PMEPA1: variants seen among roughly 807,000 people sequenced by gnomAD.
The protein encoded by PMEPA1 is prostate transmembrane protein, androgen induced 1, also known as protein TMEPAI.
Under a neutral mutation model 23.0 loss-of-function variants are expected in PMEPA1, and 11 were observed. That is an observed-to-expected ratio of 0.48 (90% confidence interval 0.30 to 0.79). The LOEUF (loss-of-function observed/expected upper bound fraction) is 0.79, where lower values mean the gene tolerates loss of function less well. Among genes scored for constraint, PMEPA1 ranks in the 30% least tolerant of loss-of-function variants. The pLI, the probability that PMEPA1 is intolerant of heterozygous loss-of-function variation, is 0.06. For missense variants in PMEPA1, 377 were observed against 390.9 expected (o/e 0.96, Z 0.30); for synonymous variants, 204 against 166.4 (o/e 1.23, Z -1.74).
At chr20:57,693,222 T>C (rs966467236) in intron 1 of PMEPA1, among the ~76,000 whole-genome samples, 4 of 152,214 alleles carry the variant, frequency 2.6e-5, no homozygotes, top group Admixed American at 1.3e-4. Flanking sequence ...TAAAAATTCC[T>C]AGACAGGTAG....
At chr20:57,703,668 C>A (rs1475885435) in intron 1 of PMEPA1, among the ~76,000 whole-genome samples, 18 of 152,224 alleles carry the variant, frequency 1.2e-4, no homozygotes, top group Non-Finnish European at 4.4e-5. Context: ...TGTTCAAGGC[C>A]ATGGGCCCCA....
intron 1 of PMEPA1, among the ~76,000 whole-genome samples, chr20:57,667,372 C>A (rs2071508285): frequency 6.6e-6 from 1 of 152,140 alleles, no homozygotes; most frequent in African/African-American, 2.4e-5. Flanking sequence ...GCAAGAAGAA[C>A]CCACCCAGCC....
At chr20:57,660,397 AC>A (rs2071396874) in intron 1 of PMEPA1, among the ~76,000 whole-genome samples, 1 of 151,294 alleles carries the variant, frequency 6.6e-6, no homozygotes, top group Non-Finnish European at 1.5e-5. Flanking sequence ...ACACGTCAAC[AC>A]CAACACACAC....
At position 57,709,907 on chromosome 20, in the gene PMEPA1, C is replaced by T; in HGVS notation, c.-325G>A. 6.9e-6 allele frequency: 7 copies of T among 1,010,010 alleles called. No homozygotes were observed. The highest frequency in any genetic ancestry group is 8.2e-6 in the Non-Finnish European group (7 of 849,128). The allele number at this position is 1,010,010 out of a possible 1,614,324, so 62.6% of individuals were successfully genotyped here. A position where few individuals can be genotyped will look rare whatever the true frequency, so the allele number is the denominator to read the frequency against. ...AGCCTCTGCCGCTAGCTTTCCCCAGCCGAGCGCCTCCGCCGCCGCCGCCGC... is the reference window on the plus strand; with the variant it reads ...AGCCTCTGCCGCTAGCTTTCCCCAGTCGAGCGCCTCCGCCGCCGCCGCCGC... On this transcript the variant is annotated 5_prime_UTR_variant, in exon 1 of 4. Transcript: ENST00000341744.
rs968181412 is a variant in PMEPA1 at position 57,704,807 on chromosome 20, G to A, written c.109+4667C>T. 6.6e-6 allele frequency among the ~76,000 whole-genome samples: 1 copy of A among 152,200 alleles called. No homozygotes were observed. Among genetic ancestry groups the A allele is most frequent in the Non-Finnish European group, 1.5e-5 (1 of 68,036 alleles). Reference sequence around the variant, plus strand: ...GCATGTGGGCACACCTGACCCCGTGGCTCTGGGGCAATTTGGTGGCGGGTG... The same window carrying A: ...GCATGTGGGCACACCTGACCCCGTGACTCTGGGGCAATTTGGTGGCGGGTG... On this transcript the variant is annotated intron_variant, in intron 1 of 3. Coordinates refer to ENST00000341744, the MANE Select transcript of PMEPA1 (RefSeq NM_020182.5). The surrounding 1 kb of genome is among the most constrained non-coding windows in gnomAD (Gnocchi z 4.6).
intron 2 of PMEPA1, among the ~76,000 whole-genome samples, chr20:57,653,748 C>A (rs979990256): frequency 6.6e-6 from 1 of 152,216 alleles, no homozygotes; most frequent in African/African-American, 2.4e-5. Flanking sequence ...CCAGGCTGCA[C>A]GGCCCGCTGC....
rs1396381716 is a variant in PMEPA1 at position 57,683,200 on chromosome 20, G to A, written c.110-23503C>T. 2.6e-5 allele frequency among the ~76,000 whole-genome samples: 4 copies of A among 152,296 alleles called. No homozygotes were observed. The highest frequency in any genetic ancestry group is 6.5e-5 in the Admixed American group (1 of 15,298). ...AAAGAAAAAGAAGGCCAGGAGACAC[G>A]CGATCAATTATAAAAAGTGCAAAGA... On this transcript the variant is annotated intron_variant, in intron 1 of 3. Transcript: ENST00000341744. The surrounding 1 kb of genome is among the most constrained non-coding windows in gnomAD (Gnocchi z 4.3).
At position 57,651,833 on chromosome 20, in the gene PMEPA1, TG is replaced by T. The variant is rs1275895710; in HGVS notation, c.*219del. ...CAAGACACAGCTCAACAAAGAAACG[TG>T]GTTTTTTTTTTTCTTTTTTCTTTTT... is the stretch of plus-strand genomic sequence containing the variant. On this transcript the variant is annotated 3_prime_UTR_variant, in exon 4 of 4. Coordinates refer to ENST00000341744, the MANE Select transcript of PMEPA1 (RefSeq NM_020182.5). 5 of 358,880 alleles carry T rather than the reference TG, an allele frequency of 1.4e-5. No homozygotes were observed. The highest frequency in any genetic ancestry group is 1.1e-4 in the African/African-American group (5 of 45,306). The allele number at this position is 358,880 out of a possible 1,614,324, so 22.2% of individuals were successfully genotyped here.
intron 1 of PMEPA1, among the ~76,000 whole-genome samples, chr20:57,663,692 G>A (rs2146653851): frequency 6.6e-6 from 1 of 152,344 alleles, no homozygotes; most frequent in East Asian, 1.9e-4. Context: ...GCAGAGTGGA[G>A]CACAGGCAGA....
At chr20:57,678,117 A>G (rs1040685939) in intron 1 of PMEPA1, among the ~76,000 whole-genome samples, 1 of 152,260 alleles carries the variant, frequency 6.6e-6, no homozygotes, top group Non-Finnish European at 1.5e-5. Flanking sequence ...TGGTGGTTAC[A>G]CAAATCTACG....
At chr20:57,681,266 C>T (rs1380291055) in intron 1 of PMEPA1, among the ~76,000 whole-genome samples, 1 of 152,164 alleles carries the variant, frequency 6.6e-6, no homozygotes, top group Non-Finnish European at 1.5e-5. Context: ...TGAGAAACAC[C>T]CCTCCATCAC....
At chr20:57,665,393 C>G (rs1487952669) in intron 1 of PMEPA1, among the ~76,000 whole-genome samples, 2 of 152,062 alleles carry the variant, frequency 1.3e-5, no homozygotes, top group Non-Finnish European at 2.9e-5. Context: ...CGCCCGCCCC[C>G]TGCCCCGGGA....
intron 1 of PMEPA1, among the ~76,000 whole-genome samples, chr20:57,660,399 CAACA>C (rs2071396937): frequency 6.6e-6 from 1 of 151,320 alleles, no homozygotes; most frequent in African/African-American, 2.4e-5. Context: ...ACGTCAACAC[CAACA>C]CACACCCAAC....
intron 1 of PMEPA1, among the ~76,000 whole-genome samples, chr20:57,668,171 G>A (rs576920537): frequency 1.3e-5 from 2 of 152,278 alleles, no homozygotes; most frequent in African/African-American, 2.4e-5. Flanking sequence ...GGGGAGGGAC[G>A]CTGAGAGGGG....
At position 57,650,641 on chromosome 20, in the gene PMEPA1, G is replaced by A. The variant is rs1399056513; in HGVS notation, c.*1412C>T. 2 of 152,362 alleles carry A rather than the reference G, an allele frequency of 1.3e-5. No individual in the cohort carries two copies. Among genetic ancestry groups the A allele is most frequent in the Non-Finnish European group, 2.9e-5 (2 of 68,106 alleles). The allele number at this position is 152,362 out of a possible 1,614,324, so 9.4% of individuals were successfully genotyped here. A position where few individuals can be genotyped will look rare whatever the true frequency, so the allele number is the denominator to read the frequency against. On this transcript the variant is annotated 3_prime_UTR_variant, in exon 4 of 4. Coordinates refer to ENST00000341744, the MANE Select transcript of PMEPA1 (RefSeq NM_020182.5). ...TTTCCGCGGGGAAAGGAGATGGAAA[G>A]GGGAAGAGAAGGTGAAGAATTCTGC...
At chr20:57,709,244 C>A (rs2146721764) in intron 1 of PMEPA1, among the ~76,000 whole-genome samples, 1 of 150,068 alleles carries the variant, frequency 6.7e-6, no homozygotes, top group African/African-American at 2.4e-5. Context: ...GCGGGCGGGG[C>A]GCGGACAGCG....
At chr20:57,710,022 G>A, upstream of PMEPA1, 1 of 995,452 alleles carries the variant, frequency 1.0e-6, no homozygotes, top group East Asian at 1.1e-4. Flanking sequence ...TGACGTCAGC[G>A]CTAGACGGGG....
intron 1 of PMEPA1, among the ~76,000 whole-genome samples, chr20:57,708,409 T>C (rs1172525648): frequency 6.6e-6 from 1 of 152,186 alleles, no homozygotes; most frequent in Non-Finnish European, 1.5e-5. Context: ...AGTGGTTCAA[T>C]TCTCCACTCA....
rs1267196991 is a variant in PMEPA1 at position 57,652,289 on chromosome 20, T to G, written c.628A>C (p.Ser210Arg). Reference sequence around the variant, plus strand: ...CACGTGGCGCTGATGCCCGAGTTACTGCTGGGGGGGCAGGGGCCGCCCAGC... The same window carrying G: ...CACGTGGCGCTGATGCCCGAGTTACGGCTGGGGGGGCAGGGGCCGCCCAGC... ...ARLGGPCPPSSNSGISATCYG... is the reference protein window; with the variant it reads ...ARLGGPCPPSRNSGISATCYG... The change falls in exon 4 of 4, where the codon AGT becomes CGT. Residue 210 changes from serine to arginine, a missense_variant. Coordinates refer to ENST00000341744, the MANE Select transcript of PMEPA1 (RefSeq NM_020182.5). This position sits in a 1 kb window ranked among gnomAD's most constrained non-coding sequence, Gnocchi z 6.1. The G allele has an allele frequency of 6.2e-7, 1 of 1,610,040 alleles. No homozygotes were observed. Among genetic ancestry groups the G allele is most frequent in the Middle Eastern group, 1.6e-4 (1 of 6,062 alleles).
Sources: allele counts gnomAD v4.1 joint callset (sites outside exome capture counted in the v4.1 genomes callset), GRCh38; gene constraint gnomAD v4.1.1; non-coding constraint Gnocchi (gnomAD v3.1); transcripts MANE v1.5; gene names NCBI Gene and HGNC (gene_info 2026-07-23, HGNC 2026-07-21).